USP15: variants seen among roughly 807,000 people sequenced by gnomAD.
USP15 encodes the protein ubiquitin carboxyl-terminal hydrolase 15.
In USP15, 18 loss-of-function variants were observed where a neutral mutation model predicts 127.1. The observed-to-expected ratio is 0.14, with a 90% CI of 0.10 to 0.21. USP15 has a LOEUF of 0.21. Ranked by LOEUF, USP15 falls within the 10% of genes least tolerant of loss-of-function variation. The pLI, the probability that USP15 is intolerant of heterozygous loss-of-function variation, is 1.00. For synonymous variants in USP15, 364 were observed against 393.7 expected, an observed-to-expected ratio of 0.92 and a Z score of 0.89; for missense variants, 805 against 1,159.9, an observed-to-expected ratio of 0.69 and a Z score of 4.44.
intron 1 of USP15, among the ~76,000 whole-genome samples, chr12:62,263,134 ATAATT>A (rs761190114): frequency 4.3e-4 from 65 of 152,314 alleles, no homozygotes; most frequent in Non-Finnish European, 8.1e-4. Context: ...GTGATATGTA[ATAATT>A]TAGTTTATGT....
intron 21 of USP15, among the ~76,000 whole-genome samples, chr12:62,403,022 G>A (rs2067744290): frequency 6.6e-6 from 1 of 152,044 alleles, no homozygotes; most frequent in Non-Finnish European, 1.5e-5. Context: ...TCCAGAGAAG[G>A]AGAAGTTTAA....
chr12:62,400,369 A>G (rs1278477601), intron 20 of USP15, among the ~76,000 whole-genome samples: 1 of 152,126 alleles, frequency 6.6e-6, no homozygotes, highest in Non-Finnish European at 1.5e-5. Context: ...ACATCCTCTC[A>G]TATACTTGTA....
chr12:62,280,304 T>C (rs1470274565), intron 1 of USP15, among the ~76,000 whole-genome samples: 1 of 152,218 alleles, frequency 6.6e-6, no homozygotes, highest in Non-Finnish European at 1.5e-5. Context: ...AGGGATTCCC[T>C]GAAGCAGTGA....
intron 20 of USP15, among the ~76,000 whole-genome samples, chr12:62,399,362 A>AT (rs1379001920): frequency 6.6e-6 from 1 of 152,192 alleles, no homozygotes; most frequent in East Asian, 1.9e-4. Context: ...ACCAAGGCTG[A>AT]TTTTTAACCA....
chr12:62,269,779 A>G (rs1443100845), intron 1 of USP15, among the ~76,000 whole-genome samples: 1 of 152,096 alleles, frequency 6.6e-6, no homozygotes, highest in East Asian at 1.9e-4. Context: ...ACCATATTCC[A>G]TTGTATAGAT....
intron 6 of USP15, among the ~76,000 whole-genome samples, chr12:62,330,490 C>A (rs938340321): frequency 2.0e-5 from 3 of 148,128 alleles, no homozygotes; most frequent in African/African-American, 7.5e-5. Context: ...GAGGCTGAGG[C>A]AAGGAGAATT....
At chr12:62,344,391 G>A (rs556090455) in intron 6 of USP15, among the ~76,000 whole-genome samples, 1 of 152,152 alleles carries the variant, frequency 6.6e-6, no homozygotes, top group Non-Finnish European at 1.5e-5. Flanking sequence ...CTTGCATCTG[G>A]GTCACGCTGG....
chr12:62,300,728 C>A (rs1319971174), intron 2 of USP15, among the ~76,000 whole-genome samples: 1 of 152,104 alleles, frequency 6.6e-6, no homozygotes, highest in Admixed American at 6.5e-5. Flanking sequence ...AATTTTGATG[C>A]ATACATGGCA....
chr12:62,401,734 T>C (rs947153121), intron 21 of USP15, among the ~76,000 whole-genome samples: 2 of 151,748 alleles, frequency 1.3e-5, no homozygotes, highest in Non-Finnish European at 2.9e-5. Context: ...ATTACAGATT[T>C]ATAAAAGATT....
chr12:62,399,049 G>C (rs1015478190), intron 20 of USP15, among the ~76,000 whole-genome samples: 2 of 151,230 alleles, frequency 1.3e-5, no homozygotes, highest in African/African-American at 4.9e-5. Context: ...CTTTCTTTTT[G>C]GTATCATTTA....
chr12:62,264,978 A>G (rs1035929681), intron 1 of USP15, among the ~76,000 whole-genome samples: 7 of 152,190 alleles, frequency 4.6e-5, no homozygotes, highest in African/African-American at 1.4e-4. Flanking sequence ...GGACAGAGAT[A>G]GTGACCTTAA....
At chr12:62,352,440 C>T (rs961702821) in intron 7 of USP15, among the ~76,000 whole-genome samples, 1 of 151,864 alleles carries the variant, frequency 6.6e-6, no homozygotes, top group African/African-American at 2.4e-5. Flanking sequence ...AGTTCTATAA[C>T]CTGTATTTTT....
chr12:62,401,058 TAATA>T (rs2067671531), intron 20 of USP15, 125 bp from the exon 21 acceptor site: 6 of 482,592 alleles, frequency 1.2e-5, no homozygotes, highest in East Asian at 3.5e-5. Context: ...ATTGAATATG[TAATA>T]AATAAGCCTC....
chr12:62,381,454 TTAC>T (rs2137568186), intron 8 of USP15, 33 bp from the exon 9 acceptor site: 2 of 1,526,682 alleles, frequency 1.3e-6, no homozygotes, highest in Non-Finnish European at 1.8e-6. Flanking sequence ...TTCATTATGA[TTAC>T]TTTTACTTGA....
Position 62,407,982 on chromosome 12 carries a change from GACA to G in USP15, c.*3610_*3612del. 6.6e-6 allele frequency: 1 copy of G among 152,044 alleles called. No individual in the cohort carries two copies. The highest frequency in any genetic ancestry group is 6.6e-5 in the Admixed American group (1 of 15,262). 9.4% of individuals were successfully genotyped at this position (152,044 alleles called of 1,614,324 possible). On this transcript the variant is annotated 3_prime_UTR_variant, in exon 22 of 22. Coordinates refer to ENST00000280377, the MANE Select transcript of USP15 (RefSeq NM_001252078.2). ...GTCCTGTATTTATCCTTGCTTTCCT[GACA>G]ACTGGATATAAAACTACACAAAACA...
At chr12:62,353,953 G>C (rs1047750820) in intron 7 of USP15, among the ~76,000 whole-genome samples, 1 of 151,950 alleles carries the variant, frequency 6.6e-6, no homozygotes, top group Non-Finnish European at 1.5e-5. Context: ...TTTCTTTGGC[G>C]CCTGCTGTTT....
At chr12:62,384,662 C>T (rs1355408820) in intron 11 of USP15, among the ~76,000 whole-genome samples, 1 of 150,840 alleles carries the variant, frequency 6.6e-6, no homozygotes, top group Non-Finnish European at 1.5e-5. Context: ...TTACTAGTGG[C>T]TATTGGAAGT....
In USP15 at chr12:62,414,664, T is replaced by A. The variant is rs2068114922; in HGVS notation, c.*10289T>A. The A allele has an allele frequency of 6.6e-6, 1 of 152,182 alleles. No individual in the cohort carries two copies. The highest frequency in any genetic ancestry group is 1.5e-5 in the Non-Finnish European group (1 of 68,050). The allele number at this position is 152,182 out of a possible 1,614,324, so 9.4% of individuals were successfully genotyped here. ...GTATTTTCATTTAACCAGTACTAAATAACTACATGTCTTTGGCAGCCTATA... is the reference window on the plus strand; with the variant it reads ...GTATTTTCATTTAACCAGTACTAAAAAACTACATGTCTTTGGCAGCCTATA... On this transcript the variant is annotated 3_prime_UTR_variant, in exon 22 of 22. Transcript: ENST00000280377.
At chr12:62,366,550 C>G (rs571333746) in intron 8 of USP15, among the ~76,000 whole-genome samples, 201 of 152,324 alleles carry the variant, frequency 1.3e-3, no homozygotes, top group African/African-American at 4.5e-3. Flanking sequence ...ATTTCTTTCT[C>G]TTGCCTAGTT....
Sources: allele counts gnomAD v4.1 joint callset (sites outside exome capture counted in the v4.1 genomes callset), GRCh38; gene constraint gnomAD v4.1.1; transcripts MANE v1.5; gene names NCBI Gene and HGNC (gene_info 2026-07-23, HGNC 2026-07-21).